The following PCNX2 variants were observed in gnomAD, a reference collection of about 807,000 sequenced individuals.
PCNX2 encodes pecanex-like protein 2.
A neutral mutation model predicts 223.8 loss-of-function variants in PCNX2; 168 were observed. That is an observed-to-expected ratio of 0.75 (90% CI 0.66 to 0.85). The LOEUF (loss-of-function observed/expected upper bound fraction) is 0.85, where lower values mean the gene tolerates loss of function less well. PCNX2 is among the 40% of genes least tolerant of loss of function. The pLI is 0.00. For missense variants in PCNX2, 2,507 were observed against 2,675.5 expected, an observed-to-expected ratio of 0.94 and a Z score of 1.39; for synonymous variants, 1,006 against 1,052.6, an observed-to-expected ratio of 0.96 and a Z score of 0.86.
chr1:233,185,854 A>T (rs963467852), intron 15 of PCNX2, among the ~76,000 whole-genome samples: 1 of 152,204 alleles, frequency 6.6e-6, no homozygotes, highest in Admixed American at 6.5e-5. Flanking sequence ...AAAATTGGGA[A>T]TGATAAGGAT....
At chr1:233,013,654 C>T (rs776379531) in intron 28 of PCNX2, among the ~76,000 whole-genome samples, 3 of 152,146 alleles carry the variant, frequency 2.0e-5, no homozygotes, top group Admixed American at 6.5e-5. Context: ...ATAATATAGA[C>T]ACAATGAAGC....
intron 21 of PCNX2, among the ~76,000 whole-genome samples, chr1:233,130,790 C>T (rs372194309): frequency 0.014 from 2,137 of 148,614 alleles, 50 homozygotes; most frequent in African/African-American, 0.049. Flanking sequence ...GCACCCCCCC[C>T]TTTTTTTTTT....
At chr1:233,079,839 ACAC>A (rs1673274711) in intron 23 of PCNX2, among the ~76,000 whole-genome samples, 1 of 152,130 alleles carries the variant, frequency 6.6e-6, no homozygotes, top group Non-Finnish European at 1.5e-5. Flanking sequence ...CTTGCACCCC[ACAC>A]CACCAAGTCC....
intron 26 of PCNX2, among the ~76,000 whole-genome samples, chr1:233,023,165 C>G (rs1053821626): frequency 6.6e-6 from 1 of 152,176 alleles, no homozygotes; most frequent in Admixed American, 6.5e-5. Flanking sequence ...GTTCCTGCAA[C>G]CACCCTGTCC....
intron 21 of PCNX2, among the ~76,000 whole-genome samples, chr1:233,121,031 A>G (rs1675754213): frequency 6.6e-6 from 1 of 151,994 alleles, no homozygotes; most frequent in Admixed American, 6.6e-5. Context: ...ATATGCCAGC[A>G]AGGAACAATT....
At chr1:233,071,320 C>T (rs1672845238) in intron 23 of PCNX2, among the ~76,000 whole-genome samples, 2 of 152,156 alleles carry the variant, frequency 1.3e-5, no homozygotes, top group Admixed American at 1.3e-4. Flanking sequence ...TCTTCTTACC[C>T]TCCACCCTCT....
At chr1:233,312,138 T>C in the PCNX2 span, among the ~76,000 whole-genome samples, 1 of 151,282 alleles carries the variant, frequency 6.6e-6, no homozygotes, top group South Asian at 2.1e-4. Context: ...AAAATAACAA[T>C]AATAATAATA....
chr1:233,069,501 A>G (rs1169498417), intron 23 of PCNX2, among the ~76,000 whole-genome samples: 1 of 152,150 alleles, frequency 6.6e-6, no homozygotes, highest in Non-Finnish European at 1.5e-5. Flanking sequence ...ATGAAATCAT[A>G]CAGAGTTTGT....
chr1:233,004,928 A>C (rs1378469241), intron 28 of PCNX2, among the ~76,000 whole-genome samples: 2 of 152,204 alleles, frequency 1.3e-5, no homozygotes, highest in Non-Finnish European at 1.5e-5. Context: ...AAAAGGATCC[A>C]AGAAGCTATC....
intron 23 of PCNX2, among the ~76,000 whole-genome samples, chr1:233,067,638 T>C (rs1672675447): frequency 6.6e-6 from 1 of 152,008 alleles, no homozygotes; most frequent in African/African-American, 2.4e-5. Context: ...CACACCCAGC[T>C]AATTTTTGTA....
chr1:233,233,227 T>C (rs1313822324), intron 9 of PCNX2, among the ~76,000 whole-genome samples: 1 of 152,186 alleles, frequency 6.6e-6, no homozygotes, highest in Non-Finnish European at 1.5e-5. Flanking sequence ...ATAAACTTAG[T>C]GACAGAGAAG....
intron 28 of PCNX2, among the ~76,000 whole-genome samples, chr1:233,003,240 T>G (rs1482141661): frequency 2.0e-5 from 3 of 152,098 alleles, no homozygotes; most frequent in Non-Finnish European, 4.4e-5. Context: ...GGGAGAAAAT[T>G]TTTGCAATCT....
At position 233,205,619 on chromosome 1, in the gene PCNX2, C is replaced by T. The variant is rs1681398113; in HGVS notation, c.2863+2899G>A. Among the ~76,000 whole-genome samples, 3 of 152,164 alleles carry T rather than the reference C, an allele frequency of 2.0e-5. No individual in the cohort carries two copies. In the South Asian group the frequency reaches 6.2e-4, roughly 32 times the overall value. On this transcript the variant is annotated intron_variant, in intron 13 of 33. Transcript: ENST00000258229. ...CTGAGGCAGGAAGAATCGCTTGAAC[C>T]CAGGAGGCAGAGGTTGCAGTGAACC...
intron 12 of PCNX2, among the ~76,000 whole-genome samples, chr1:233,209,103 A>C (rs1271578258): frequency 6.6e-6 from 1 of 152,216 alleles, no homozygotes; most frequent in East Asian, 1.9e-4. Flanking sequence ...CACTATTAAT[A>C]AGAAATAGAA....
At chr1:233,277,293 C>T (rs1660967183) in intron 1 of PCNX2, among the ~76,000 whole-genome samples, 1 of 152,218 alleles carries the variant, frequency 6.6e-6, no homozygotes, top group Non-Finnish European at 1.5e-5. Flanking sequence ...CTCCTCTGCT[C>T]TACAGCTTTC....
intron 28 of PCNX2, among the ~76,000 whole-genome samples, chr1:233,014,218 C>T (rs1670570999): frequency 6.6e-6 from 1 of 152,130 alleles, no homozygotes; most frequent in Non-Finnish European, 1.5e-5. Context: ...GCATCCAATT[C>T]ATCAAAGCTC....
chr1:233,093,050 T>C (rs752576006), intron 22 of PCNX2, among the ~76,000 whole-genome samples: 16 of 152,204 alleles, frequency 1.1e-4, no homozygotes, highest in South Asian at 4.2e-4. Flanking sequence ...CTGCCCTCCT[T>C]GGCCTCCCAA....
At chr1:233,027,275 T>C (rs1671111958) in intron 25 of PCNX2, among the ~76,000 whole-genome samples, 2 of 151,814 alleles carry the variant, frequency 1.3e-5, no homozygotes, top group African/African-American at 4.8e-5. Context: ...TGTGGTGGAA[T>C]GGTGGGGGAG....
intron 8 of PCNX2, among the ~76,000 whole-genome samples, chr1:233,245,061 T>C (rs1328072347): frequency 6.6e-6 from 1 of 152,270 alleles, no homozygotes; most frequent in Non-Finnish European, 1.5e-5. Flanking sequence ...CCGGGTTTCA[T>C]GGGCCCCAGG....
Sources: gnomAD v4.1 joint callset for allele counts (sites outside exome capture counted in the v4.1 genomes callset) on GRCh38, gnomAD v4.1.1 for gene constraint, MANE v1.5 for transcripts, NCBI Gene and HGNC (gene_info 2026-07-23, HGNC 2026-07-21) for gene names.